Variants in ZNF486 observed in about 807,000 individuals in gnomAD.
The protein encoded by ZNF486 is KRAB box only protein 2.
In ZNF486, 12 loss-of-function variants were observed where a neutral mutation model predicts 12.8. That is an observed-to-expected ratio of 0.94 (90% confidence interval 0.60 to 1.52). ZNF486 has a LOEUF of 1.52. ZNF486 is among the 40% of genes most tolerant of loss of function. The pLI is 0.00. For missense variants in ZNF486, 738 were observed against 545.0 expected (o/e 1.35, Z -3.53); for synonymous variants, 231 against 184.9 (o/e 1.25, Z -2.02).
chr19:20,176,968 A>G (rs1555714926), intron 1 of ZNF486: 2 of 152,220 alleles, frequency 1.3e-5, no homozygotes, highest in South Asian at 2.1e-4. Context: ...CCTTGTCACC[A>G]TTATAAGTAG....
In ZNF486 at chr19:20,200,485, A is replaced by C. The variant is rs2090002587; in HGVS notation, c.*2383A>C. On this transcript the variant is annotated 3_prime_UTR_variant, in exon 4 of 4. Coordinates refer to ENST00000335117, the MANE Select transcript of ZNF486 (RefSeq NM_052852.4). ...TGTAATAAAATGCAGTGCATTTAAA[A>C]ATTGTTAGATTATGTGTGAATTTAA... 6.6e-6 allele frequency: 1 copy of C among 152,152 alleles called. No individual in the cohort carries two copies. The highest frequency in any genetic ancestry group is 2.4e-5 in the African/African-American group (1 of 41,438). 9.4% of individuals were successfully genotyped at this position (152,152 alleles called of 1,614,324 possible).
intron 1 of ZNF486, among the ~76,000 whole-genome samples, chr19:20,173,111 G>C (rs2089667997): frequency 6.6e-6 from 1 of 152,144 alleles, no homozygotes; most frequent in Non-Finnish European, 1.5e-5. Context: ...CAGTTGCTTT[G>C]GGTAGCTTCC....
chr19:20,175,934 G>T (rs868980668), intron 1 of ZNF486, among the ~76,000 whole-genome samples: 1 of 143,710 alleles, frequency 7.0e-6, no homozygotes, highest in East Asian at 2.2e-4. Context: ...CTCACCTCCC[G>T]GATGGGGCGG....
At chr19:20,185,375 G>A (rs1555716218) in intron 2 of ZNF486, among the ~76,000 whole-genome samples, 1 of 139,932 alleles carries the variant, frequency 7.1e-6, no homozygotes, top group African/African-American at 2.6e-5. Flanking sequence ...GTATTTGTCA[G>A]TTTAGAAAGG....
In ZNF486 at chr19:20,200,367, CAG is replaced by C. The variant is rs1171543785; in HGVS notation, c.*2268_*2269del. The C allele has an allele frequency of 6.6e-6, 1 of 151,994 alleles. No homozygotes were observed. Among genetic ancestry groups the C allele is most frequent in the African/African-American group, 2.4e-5 (1 of 41,392 alleles). The allele number at this position is 151,994 out of a possible 1,614,324, so 9.4% of individuals were successfully genotyped here. ...ATATGAAGTAATGTATAAGGTAGGT[CAG>C]AGTAATACTTTTCTACATTATAGTG... On this transcript the variant is annotated 3_prime_UTR_variant, in exon 4 of 4. Transcript: ENST00000335117.
intron 1 of ZNF486, among the ~76,000 whole-genome samples, chr19:20,177,932 G>GTTTTTTTTTTTTTTT (rs1568319295): frequency 1.5e-5 from 2 of 137,168 alleles, no homozygotes; most frequent in African/African-American, 6.1e-5. Context: ...GTAAACATTT[G>GTTTTTTTTTTTTTTT]TTCTTTTTTT....
intron 3 of ZNF486, among the ~76,000 whole-genome samples, chr19:20,190,198 C>T (rs2122670560): frequency 6.6e-6 from 1 of 152,174 alleles, no homozygotes; most frequent in Non-Finnish European, 1.5e-5. Context: ...TTACTGTAGC[C>T]TTTAACTGTA....
chr19:20,174,658 A>G (rs1201410193), intron 1 of ZNF486, among the ~76,000 whole-genome samples: 1 of 152,170 alleles, frequency 6.6e-6, no homozygotes, highest in Non-Finnish European at 1.5e-5. Context: ...CATAGTGCTA[A>G]GATTACAGGT....
At chr19:20,194,370 A>T (rs973476301) in intron 3 of ZNF486, among the ~76,000 whole-genome samples, 32 of 152,232 alleles carry the variant, frequency 2.1e-4, no homozygotes, top group Admixed American at 2.0e-4. Flanking sequence ...ACAGCTTTTT[A>T]AAAAAATTAT....
rs1384611775 is a variant in ZNF486 at position 20,197,847 on chromosome 19, A to T, written c.1137A>T (p.Lys379Asn). ...TTCATACTGGAGAGAAACCATACAA[A>T]TGTGAAGAATGTGGCAAAGCCTTTA... ...KIIHTGEKPY[K>N]CEECGKAFTW... The change falls in exon 4 of 4, where the codon AAA (lysine) becomes AAT (asparagine). Residue 379 changes from lysine to asparagine, a missense_variant. Coordinates refer to ENST00000335117, the MANE Select transcript of ZNF486 (RefSeq NM_052852.4). 1 of 1,612,874 alleles carries T rather than the reference A, an allele frequency of 6.2e-7. No homozygotes were observed. The highest frequency in any genetic ancestry group is 1.3e-5 in the African/African-American group (1 of 74,480).
At chr19:20,176,128 C>T (rs910241588) in intron 1 of ZNF486, 18 of 177,054 alleles carry the variant, frequency 1.0e-4, no homozygotes, top group East Asian at 3.7e-4. Flanking sequence ...CAGGCAGAGA[C>T]GCTCCTCACC....
intron 1 of ZNF486, among the ~76,000 whole-genome samples, chr19:20,178,795 C>T (rs1489936749): frequency 2.6e-5 from 4 of 152,198 alleles, no homozygotes; most frequent in African/African-American, 9.7e-5. Context: ...TTTCATAGGG[C>T]AGCAATCAAT....
rs782521968 is a variant in ZNF486, at chr19:20,197,606, G to C, written c.896G>C (p.Cys299Ser). Residue 299 changes from cysteine (C) to serine (S), a missense_variant, in exon 4 of 4, where the codon TGT (cysteine) becomes TCT (serine). Physicochemically the swap from Cys to Ser is moderately radical, Grantham distance 112 (BLOSUM62 -1). Coordinates refer to ENST00000335117, the MANE Select transcript of ZNF486 (RefSeq NM_052852.4). ...GAGCAACCCTACAAATGTAAAGAATGTGACAAAGCTTTTAACCATCCTGCA... is the reference window on the plus strand; with the variant it reads ...GAGCAACCCTACAAATGTAAAGAATCTGACAAAGCTTTTAACCATCCTGCA... The part of the protein sequence containing the change: ...TGEQPYKCKE[C>S]DKAFNHPATL... 7 of 1,613,764 alleles carry C rather than the reference G, an allele frequency of 4.3e-6. No individual in the cohort carries two copies. In the East Asian group the frequency reaches 1.6e-4, roughly 36 times the overall value.
intron 3 of ZNF486, among the ~76,000 whole-genome samples, chr19:20,194,668 CAGTGAGCCAAGAT>C (rs2089940345): frequency 1.3e-5 from 2 of 151,964 alleles, no homozygotes; most frequent in South Asian, 4.1e-4. Context: ...TTGGAGGTTG[CAGTGAGCCAAGAT>C]TGCATCATTG....
chr19:20,198,740 T>C lies in ZNF486; in HGVS notation c.*638T>C, dbSNP rs2089985849. 6.5e-6 allele frequency: 1 copy of C among 152,876 alleles called. No individual in the cohort carries two copies. The highest frequency in any genetic ancestry group is 1.9e-4 in the East Asian group (1 of 5,196). The allele number at this position is 152,876 out of a possible 1,614,324, so 9.5% of individuals were successfully genotyped here. On this transcript the variant is annotated 3_prime_UTR_variant, in exon 4 of 4. Transcript: ENST00000335117. ...TTTTGCCATATTTGCCAGGCTGGTC[T>C]CAAACTCCTGACCTCAGGTGATCCA...
chr19:20,171,481 T>C (rs185122547), intron 1 of ZNF486, among the ~76,000 whole-genome samples: 15 of 152,294 alleles, frequency 9.8e-5, no homozygotes, highest in Admixed American at 2.6e-4. Context: ...GTGTTTCTTG[T>C]CAAGAACCCA....
Position 20,179,202 on chromosome 19 carries a change from A to G in ZNF486, c.31-5154A>G, listed in dbSNP as rs2089757403. Among the ~76,000 whole-genome samples, 3 of 152,200 alleles carry G rather than the reference A, an allele frequency of 2.0e-5. No homozygotes were observed. In the South Asian group the frequency reaches 6.2e-4, roughly 32 times the overall value. ...GTTCACTATTGGCACAAGTGACTAT[A>G]AATTAAACTAATGATGCCACATTGG... is the stretch of plus-strand genomic sequence containing the variant. On this transcript the variant is annotated intron_variant, in intron 1 of 3. Coordinates refer to ENST00000335117, the MANE Select transcript of ZNF486 (RefSeq NM_052852.4).
rs549984607 is a variant in ZNF486 at position 20,196,974 on chromosome 19, T to C, written c.264T>C (p.Ser88=). The change falls in exon 4 of 4, where the codon TCT becomes TCC. Residue 88 remains serine (S), a synonymous_variant. Coordinates refer to ENST00000335117, the MANE Select transcript of ZNF486 (RefSeq NM_052852.4). ...TATTGTTTCTTTCAGTTGTGTGTTC[T>C]CATTTTGCCCAAGACCTTTGGCCAG... ...EMIAKPPVVC[S]HFAQDLWPEQ... The C allele has an allele frequency of 9.7e-6, 15 of 1,547,596 alleles. No homozygotes were observed. In the African/African-American group the frequency reaches 1.1e-4, roughly 11 times the overall value.
intron 3 of ZNF486, chr19:20,188,368 T>C: frequency 2.5e-6 from 1 of 398,494 alleles, no homozygotes; most frequent in Non-Finnish European, 4.4e-6. Context: ...AACATAAAAT[T>C]TACCATCTTA....
Sources: gnomAD v4.1 joint callset for allele counts (sites outside exome capture counted in the v4.1 genomes callset) on GRCh38, gnomAD v4.1.1 for gene constraint, MANE v1.5 for transcripts, NCBI Gene and HGNC (gene_info 2026-07-23, HGNC 2026-07-21) for gene names.